Variants in MAST2 observed in about 807,000 individuals in gnomAD.
The protein encoded by MAST2 is microtubule-associated serine/threonine-protein kinase 2.
MAST2 carries 70 observed loss-of-function variants against 147.4 expected under a neutral mutation model. The ratio of observed to expected loss-of-function variants is 0.47; its 90% CI spans 0.39 to 0.58. MAST2 has a LOEUF of 0.58. Ranked by LOEUF, MAST2 falls within the 20% of genes least tolerant of loss-of-function variation. The pLI, the probability that MAST2 is intolerant of heterozygous loss-of-function variation, is 0.00. For synonymous variants in MAST2, 869 were observed against 896.8 expected, an observed-to-expected ratio of 0.97 and a Z score of 0.55; for missense variants, 2,080 against 2,302.3, an observed-to-expected ratio of 0.90 and a Z score of 1.98.
intron 1 of MAST2, among the ~76,000 whole-genome samples, chr1:45,812,724 C>A (rs998805010): frequency 1.1e-4 from 16 of 152,186 alleles, no homozygotes; most frequent in Admixed American, 3.3e-4. Flanking sequence ...TGTGCCTGGC[C>A]CTACTCCTAT....
At chr1:45,836,617 T>C (rs1182417109) in intron 3 of MAST2, among the ~76,000 whole-genome samples, 8 of 152,202 alleles carry the variant, frequency 5.3e-5, no homozygotes, top group Non-Finnish European at 7.3e-5. Flanking sequence ...CAGTATTACC[T>C]TTCTGCTGCT....
intron 4 of MAST2, among the ~76,000 whole-genome samples, chr1:45,923,617 A>T (rs1182735008): frequency 6.6e-6 from 1 of 152,194 alleles, no homozygotes; most frequent in Non-Finnish European, 1.5e-5. Context: ...CAGAACTGGG[A>T]TAGAAACCTG....
chr1:45,831,927 G>A (rs61783201), intron 3 of MAST2, among the ~76,000 whole-genome samples: 178 of 151,858 alleles, frequency 1.2e-3, no homozygotes, highest in Non-Finnish European at 1.6e-3. Context: ...TTACAGGTGC[G>A]TACCACTACA....
chr1:45,838,321 G>A (rs1285504373), intron 3 of MAST2, among the ~76,000 whole-genome samples: 1 of 148,710 alleles, frequency 6.7e-6, no homozygotes, highest in Non-Finnish European at 1.5e-5. Flanking sequence ...CTGGGTTCAA[G>A]CACTTCTTTT....
chr1:45,986,358 A>G (rs1276172695), intron 5 of MAST2, among the ~76,000 whole-genome samples: 3 of 152,234 alleles, frequency 2.0e-5, no homozygotes, highest in Non-Finnish European at 2.9e-5. Flanking sequence ...TAAGCCAACT[A>G]GAATTCCTGA....
chr1:45,918,764 G>C (rs868625075), intron 4 of MAST2, among the ~76,000 whole-genome samples: 1 of 152,128 alleles, frequency 6.6e-6, no homozygotes, highest in Admixed American at 6.5e-5. Context: ...TGCTGGGTGA[G>C]ATAAGTAGCC....
intron 4 of MAST2, among the ~76,000 whole-genome samples, chr1:45,892,674 CCTT>C (rs1024174287): frequency 9.2e-5 from 14 of 152,100 alleles, no homozygotes; most frequent in African/African-American, 3.4e-4. Flanking sequence ...CTGAGACAAC[CCTT>C]CTTTGTTGAA....
intron 3 of MAST2, among the ~76,000 whole-genome samples, chr1:45,844,245 A>G (rs1259081802): frequency 6.6e-6 from 1 of 151,922 alleles, no homozygotes; most frequent in African/African-American, 2.4e-5. Context: ...GACTACAGGC[A>G]TGGGCCACGA....
At chr1:45,857,850 G>GTTT (rs35371770) in intron 3 of MAST2, among the ~76,000 whole-genome samples, 69 of 66,576 alleles carry the variant, frequency 1.0e-3, no homozygotes, top group African/African-American at 1.9e-3. Flanking sequence ...AACATGCGGT[G>GTTT]TTTTTTTTTT....
intron 4 of MAST2, among the ~76,000 whole-genome samples, chr1:45,888,390 T>A (rs1647183273): frequency 6.6e-6 from 1 of 152,104 alleles, no homozygotes; most frequent in South Asian, 2.1e-4. Context: ...TGAGACTGAG[T>A]CTCGCTCTGT....
intron 4 of MAST2, among the ~76,000 whole-genome samples, chr1:45,888,238 A>G (rs1037608977): frequency 5.3e-5 from 8 of 152,330 alleles, no homozygotes; most frequent in African/African-American, 1.7e-4. Flanking sequence ...ACTCTAGCTT[A>G]TTAAATGGTA....
At chr1:46,006,579 A>T (rs1054692354) in intron 8 of MAST2, 184 bp downstream of exon 8, 3 of 428,552 alleles carry the variant, frequency 7.0e-6, no homozygotes, top group Non-Finnish European at 1.2e-5. Flanking sequence ...CACAAATAAT[A>T]TATAAACTTT....
At chr1:46,033,469 C>G (rs1646765869) in intron 26 of MAST2, among the ~76,000 whole-genome samples, 1 of 151,432 alleles carries the variant, frequency 6.6e-6, no homozygotes, top group Non-Finnish European at 1.5e-5. Flanking sequence ...TAGGTACACA[C>G]AGAACTTGAA....
At position 45,908,834 on chromosome 1, in the gene MAST2, AG is replaced by A. The variant is rs1208964989; in HGVS notation, c.500+26441del. Among the ~76,000 whole-genome samples, 3 of 152,260 alleles carry A rather than the reference AG, an allele frequency of 2.0e-5. No individual in the cohort carries two copies. The East Asian group carries it at 5.8e-4, about 29-fold the overall frequency. ...CTGCCCTTGTAAGAAAATTGCTCCC[AG>A]GCAGCTGAGGAGGGAGCAGCCTGAC... On this transcript the variant is annotated intron_variant, in intron 4 of 28. Transcript: ENST00000361297.
In MAST2 at chr1:45,805,234, A is replaced by G. The variant is rs1644106550; in HGVS notation, c.177+1162A>G. ...CAGCTAATTTTTTTGTATTTTTAGCAGAGACAGGGTTTCACCATGTTGGCC... is the reference window on the plus strand; with the variant it reads ...CAGCTAATTTTTTTGTATTTTTAGCGGAGACAGGGTTTCACCATGTTGGCC... On this transcript the variant is annotated intron_variant, in intron 1 of 28. Transcript: ENST00000361297. Among the ~76,000 whole-genome samples, 3 of 152,154 alleles carry G rather than the reference A, an allele frequency of 2.0e-5. No homozygotes were observed. In the South Asian group the frequency reaches 6.2e-4, roughly 32 times the overall value.
Position 45,851,061 on chromosome 1 carries a change from G to A in MAST2, c.468+21480G>A, listed in dbSNP as rs550823794. Among the ~76,000 whole-genome samples the A allele has an allele frequency of 2.0e-5, 3 of 152,118 alleles. No homozygotes were observed. The East Asian group carries it at 5.8e-4, about 29-fold the overall frequency. On this transcript the variant is annotated intron_variant, in intron 3 of 28. Transcript: ENST00000361297. ...ATCTGTAGATTGATTTGGACAGTAT[G>A]GCTGTTTCAACAGTATTGATTCTTC...
intron 5 of MAST2, among the ~76,000 whole-genome samples, chr1:45,965,069 C>T (rs1660977822): frequency 6.6e-6 from 1 of 152,150 alleles, no homozygotes; most frequent in Non-Finnish European, 1.5e-5. Flanking sequence ...TTTGATTGCA[C>T]TGTGGTGTGA....
chr1:45,883,738 A>G (rs898168030), intron 4 of MAST2, among the ~76,000 whole-genome samples: 9 of 152,060 alleles, frequency 5.9e-5, no homozygotes, highest in Non-Finnish European at 1.2e-4. Context: ...AGTTTCTAGC[A>G]GTGGATATTC....
intron 4 of MAST2, chr1:45,917,683 T>C: frequency 1.8e-6 from 1 of 563,114 alleles, no homozygotes; most frequent in Non-Finnish European, 2.8e-6. Flanking sequence ...CAGATTTCTG[T>C]TGTATTCAAA....
Sources: gnomAD v4.1 joint callset for allele counts (sites outside exome capture counted in the v4.1 genomes callset) on GRCh38, gnomAD v4.1.1 for gene constraint, MANE v1.5 for transcripts, NCBI Gene and HGNC (gene_info 2026-07-23, HGNC 2026-07-21) for gene names.